Variants in SLC8A1 observed in about 807,000 individuals in gnomAD.
The protein encoded by SLC8A1 is sodium/calcium exchanger 1.
SLC8A1 carries 18 observed loss-of-function variants against 68.3 expected under a neutral mutation model. The observed-to-expected ratio is 0.26, with a 90% CI of 0.18 to 0.39. The LOEUF (loss-of-function observed/expected upper bound fraction) is 0.39. Ranked by LOEUF, SLC8A1 falls within the 10% of genes least tolerant of loss-of-function variation. The pLI, the probability that SLC8A1 is intolerant of heterozygous loss-of-function variation, is 1.00. For missense variants in SLC8A1, 985 were observed against 1,156.7 expected (o/e 0.85, Z 2.15); for synonymous variants, 475 against 415.5 (o/e 1.14, Z -1.74).
intron 2 of SLC8A1, among the ~76,000 whole-genome samples, chr2:40,253,218 TTTACATATACATAC>T (rs1348310692): frequency 2.7e-5 from 4 of 149,508 alleles, no homozygotes; most frequent in Non-Finnish European, 4.5e-5. Context: ...TCTATACATA[TTTACATATACATAC>T]ATGTGCGTAT....
chr2:40,316,729 T>A (rs1319990575), intron 2 of SLC8A1, among the ~76,000 whole-genome samples: 2 of 152,024 alleles, frequency 1.3e-5, no homozygotes, highest in Admixed American at 1.3e-4. Flanking sequence ...TTGATTTATA[T>A]CAGGGCCCTA....
chr2:40,409,169 T>C (rs1171521801), intron 2 of SLC8A1, among the ~76,000 whole-genome samples: 2 of 152,144 alleles, frequency 1.3e-5, no homozygotes. Context: ...TTCCCTGCAA[T>C]AGTCACATCG....
intron 2 of SLC8A1, chr2:40,195,794 ACT>A (rs1376942497): frequency 1.3e-5 from 2 of 152,000 alleles, no homozygotes; most frequent in East Asian, 1.9e-4. Context: ...GGATGGCAAG[ACT>A]CTCTGTATAT....
chr2:40,509,259 T>C (rs1003640252), intron 1 of SLC8A1, among the ~76,000 whole-genome samples: 1 of 152,100 alleles, frequency 6.6e-6, no homozygotes, highest in African/African-American at 2.4e-5. Context: ...ACCTTCACCT[T>C]CCAATGATTG....
rs77231902 is a variant in SLC8A1 at position 40,382,771 on chromosome 2, A to G, written c.1808+45702T>C. Among the ~76,000 whole-genome samples, 4 of 152,222 alleles carry G rather than the reference A, an allele frequency of 2.6e-5. No homozygotes were observed. The East Asian group carries it at 7.8e-4, about 30-fold the overall frequency. Reference sequence around the variant, plus strand: ...AAAGCTTTAATTGTTCTACTAAAATAGAAGTGAGTAAATGTACATTTATAT... The same window carrying G: ...AAAGCTTTAATTGTTCTACTAAAATGGAAGTGAGTAAATGTACATTTATAT... On this transcript the variant is annotated intron_variant, in intron 2 of 7. Transcript: ENST00000406785.
intron 2 of SLC8A1, among the ~76,000 whole-genome samples, chr2:40,218,930 C>CT (rs544217090): frequency 2.0e-5 from 3 of 152,088 alleles, no homozygotes; most frequent in South Asian, 2.1e-4. Context: ...CCCCTGAGTG[C>CT]TTTTTTTAAC....
At chr2:40,210,240 T>G (rs564490583) in intron 2 of SLC8A1, among the ~76,000 whole-genome samples, 1 of 152,232 alleles carries the variant, frequency 6.6e-6, no homozygotes, top group Non-Finnish European at 1.5e-5. Context: ...TGGGAATTGA[T>G]GCTATAAGAG....
intron 6 of SLC8A1, among the ~76,000 whole-genome samples, chr2:40,149,915 G>C (rs1423588717): frequency 6.6e-6 from 1 of 152,086 alleles, no homozygotes; most frequent in East Asian, 1.9e-4. Context: ...GTATCTGATG[G>C]TTAAGGCGTT....
At chr2:40,312,352 G>T (rs1427231749) in intron 2 of SLC8A1, among the ~76,000 whole-genome samples, 1 of 151,904 alleles carries the variant, frequency 6.6e-6, no homozygotes, top group Non-Finnish European at 1.5e-5. Context: ...AACTGTGAGG[G>T]GTACTATTTT....
At chr2:40,294,272 C>G (rs2069900642) in intron 2 of SLC8A1, among the ~76,000 whole-genome samples, 1 of 151,866 alleles carries the variant, frequency 6.6e-6, no homozygotes. Flanking sequence ...TCCTTTTTTC[C>G]TATCATATTG....
exon 8 of SLC8A1, chr2:40,101,815 T>C (rs2033908204): frequency 6.6e-6 from 1 of 152,116 alleles, no homozygotes; most frequent in Non-Finnish European, 1.5e-5. Context: ...TAGGGGCTTA[T>C]TAAAGTCCAT....
chr2:40,479,977 G>C (rs559077058), intron 1 of SLC8A1, among the ~76,000 whole-genome samples: 3 of 152,196 alleles, frequency 2.0e-5, no homozygotes, highest in Non-Finnish European at 2.9e-5. Context: ...AACTAACTGA[G>C]GACCTATGAT....
chr2:40,392,069 A>G (rs1197954632), intron 2 of SLC8A1, among the ~76,000 whole-genome samples: 1 of 151,276 alleles, frequency 6.6e-6, no homozygotes, highest in Non-Finnish European at 1.5e-5. Flanking sequence ...AAGGAAGGAG[A>G]AGGAAGGAAG....
intron 6 of SLC8A1, among the ~76,000 whole-genome samples, chr2:40,158,509 G>T (rs957460508): frequency 6.6e-6 from 1 of 152,112 alleles, no homozygotes; most frequent in Non-Finnish European, 1.5e-5. Context: ...ACAATATATT[G>T]TATGACAAGA....
chr2:40,302,399 C>T (rs2071663476), intron 2 of SLC8A1, among the ~76,000 whole-genome samples: 1 of 149,098 alleles, frequency 6.7e-6, no homozygotes, highest in South Asian at 2.1e-4. Context: ...CTGCAAATGC[C>T]ATTAATTCAT....
chr2:40,402,017 G>A (rs1009717237), intron 2 of SLC8A1, among the ~76,000 whole-genome samples: 7 of 152,148 alleles, frequency 4.6e-5, no homozygotes, highest in African/African-American at 1.7e-4. Flanking sequence ...AATAAGGGCT[G>A]GGTAAAGTAA....
exon 8 of SLC8A1, chr2:40,106,426 G>A (rs145254057): frequency 1.1e-4 from 17 of 151,876 alleles, no homozygotes; most frequent in Admixed American, 9.2e-4. Context: ...TTAACAACCA[G>A]TTGTTGGAAA....
At chr2:40,363,774 C>T (rs562649553) in intron 2 of SLC8A1, among the ~76,000 whole-genome samples, 27 of 152,180 alleles carry the variant, frequency 1.8e-4, no homozygotes, top group African/African-American at 5.5e-4. Context: ...ACTGTGCCTA[C>T]TGACGCAAAT....
At chr2:40,400,594 A>T (rs1000126655) in intron 2 of SLC8A1, among the ~76,000 whole-genome samples, 1 of 152,140 alleles carries the variant, frequency 6.6e-6, no homozygotes, top group East Asian at 1.9e-4. Context: ...GGGGAGAAGG[A>T]GAAGCAGGCA....
Sources: allele counts gnomAD v4.1 joint callset (sites outside exome capture counted in the v4.1 genomes callset), GRCh38; gene constraint gnomAD v4.1.1; transcripts MANE v1.5; gene names NCBI Gene and HGNC (gene_info 2026-07-23, HGNC 2026-07-21).